The following CASP9 variants were observed in gnomAD, a reference collection of about 807,000 sequenced individuals.
CASP9 encodes caspase-9.
In CASP9, 29 loss-of-function variants were observed where a neutral mutation model predicts 43.5. The observed-to-expected ratio is 0.67, with a 90% CI of 0.50 to 0.91. The LOEUF is 0.91. CASP9 is among the 40% of genes least tolerant of loss of function. The pLI is 0.00. For missense variants in CASP9, 575 were observed against 537.4 expected (o/e 1.07, Z -0.69); for synonymous variants, 206 against 211.9 (o/e 0.97, Z 0.24).
intron 6 of CASP9, among the ~76,000 whole-genome samples, chr1:15,499,578 C>A (rs1709243979): frequency 6.6e-6 from 1 of 152,168 alleles, no homozygotes; most frequent in African/African-American, 2.4e-5. Context: ...AATTCAAATG[C>A]AGTCAAAAGC....
At chr1:15,502,962 C>G (rs4661637) in intron 6 of CASP9, among the ~76,000 whole-genome samples, 95,936 of 151,966 alleles carry the variant, frequency 0.63, 31,993 homozygotes, top group African/African-American at 0.85. Context: ...TGAGGGAACT[C>G]TGCTGGCGAC....
At chr1:15,501,532 C>CA (rs1709328519) in intron 6 of CASP9, among the ~76,000 whole-genome samples, 1 of 152,162 alleles carries the variant, frequency 6.6e-6, no homozygotes, top group Non-Finnish European at 1.5e-5. Context: ...GACCCCTCGC[C>CA]AGGCACTAGT....
chr1:15,513,674 C>G (rs1709849669), intron 2 of CASP9, among the ~76,000 whole-genome samples: 1 of 152,124 alleles, frequency 6.6e-6, no homozygotes, highest in South Asian at 2.1e-4. Context: ...AAGCTGCATC[C>G]CCAACACCTA....
chr1:15,524,836 C>A (rs1283346701), upstream of CASP9: 96 of 969,510 alleles, frequency 9.9e-5, no homozygotes, highest in Admixed American at 1.3e-4. Flanking sequence ...GTCATCGCCC[C>A]GCCCTCAGGA....
At chr1:15,507,958 AG>A in intron 2 of CASP9, 51 bp from the exon 3 acceptor site, 1 of 1,581,396 alleles carries the variant, frequency 6.3e-7, no homozygotes, top group Non-Finnish European at 8.7e-7. Context: ...ACAGCAGAGG[AG>A]GGGCAAGGGG....
Position 15,518,130 on chromosome 1 carries a change from G to A in CASP9, c.398C>T (p.Ser133Phe). ...PETPRPVDIG[S>F]GGFGDVGALE... is the part of the protein sequence containing the mutation. ...CTTACCGACATCACCAAATCCTCCA[G>A]AACCAATGTCCACTGGTCTGGGTGT... Residue 133 changes from serine (S) to phenylalanine (F), a missense_variant, in exon 2 of 9, where the codon TCT becomes TTT. Physicochemically the swap from Ser to Phe is radical, Grantham distance 155. Coordinates refer to ENST00000333868, the MANE Select transcript of CASP9 (RefSeq NM_001229.5). 6.2e-7 allele frequency: 1 copy of A among 1,614,148 alleles called. No individual in the cohort carries two copies.
chr1:15,514,566 T>C (rs1709881965), intron 2 of CASP9, among the ~76,000 whole-genome samples: 1 of 152,230 alleles, frequency 6.6e-6, no homozygotes, highest in African/African-American at 2.4e-5. Flanking sequence ...GAACTCACTT[T>C]GTGACTGTTG....
At chr1:15,502,833 G>C (rs1260665715) in intron 6 of CASP9, among the ~76,000 whole-genome samples, 1 of 152,184 alleles carries the variant, frequency 6.6e-6, no homozygotes, top group Non-Finnish European at 1.5e-5. Flanking sequence ...AGGGACCGGA[G>C]GCTCCGAAGG....
chr1:15,520,854 G>A (rs1710162016), intron 1 of CASP9, among the ~76,000 whole-genome samples: 1 of 151,216 alleles, frequency 6.6e-6, no homozygotes, highest in Admixed American at 6.6e-5. Flanking sequence ...TCAGGAGGCT[G>A]AGGCAGAACA....
At chr1:15,524,419 T>G (rs1385321019), upstream of CASP9, 390 of 1,112,908 alleles carry the variant, frequency 3.5e-4, no homozygotes, top group Non-Finnish European at 4.1e-4. Context: ...GACGCACCTC[T>G]GCGCCTCGCC....
At chr1:15,524,715 C>T (rs1217770490), upstream of CASP9, 1 of 1,049,960 alleles carries the variant, frequency 9.5e-7, no homozygotes, top group Admixed American at 6.1e-5. Flanking sequence ...CGCCCTGTCC[C>T]CAGGGTCAAT....
intron 2 of CASP9, among the ~76,000 whole-genome samples, chr1:15,516,957 A>G (rs1709973373): frequency 6.6e-6 from 1 of 152,238 alleles, no homozygotes; most frequent in Non-Finnish European, 1.5e-5. Context: ...TCTAACAGCA[A>G]AGCACCTGCC....
In CASP9 at chr1:15,506,329, A is replaced by G. The variant is rs371054807; in HGVS notation, c.631-250T>C. Among the ~76,000 whole-genome samples, 417 of 151,926 alleles carry G rather than the reference A, an allele frequency of 2.7e-3. 3 individuals are homozygous for G. Among genetic ancestry groups the G allele is most frequent in the African/African-American group, 9.3e-3 (385 of 41,414 alleles). On this transcript the variant is annotated intron_variant, in intron 4 of 8. Coordinates refer to ENST00000333868, the MANE Select transcript of CASP9 (RefSeq NM_001229.5). ...AATTTAGCCAGGCATGGTGGCACAC[A>G]CCTGTAATCCCAGCTACTCAGGAGG...
chr1:15,518,986 T>C (rs1031131847), intron 1 of CASP9, among the ~76,000 whole-genome samples: 1 of 151,268 alleles, frequency 6.6e-6, no homozygotes, highest in African/African-American at 2.4e-5. Flanking sequence ...GCGATTATCC[T>C]GCCTCAGCCT....
intron 2 of CASP9, among the ~76,000 whole-genome samples, chr1:15,516,227 G>A (rs1709942613): frequency 1.3e-5 from 2 of 149,930 alleles, no homozygotes; most frequent in Admixed American, 6.7e-5. Flanking sequence ...AAATGGCCAG[G>A]GATAACATGC....
At chr1:15,515,345 AG>A (rs533511703) in intron 2 of CASP9, among the ~76,000 whole-genome samples, 385 of 152,330 alleles carry the variant, frequency 2.5e-3, no homozygotes, top group Non-Finnish European at 4.1e-3. Context: ...TCTCTGCTTT[AG>A]TGGATTGCCC....
In CASP9 at chr1:15,518,182, G is replaced by A. The variant is rs754102522; in HGVS notation, c.346C>T (p.Arg116Cys). ...TCCGGTCTGAGAACCTCTGGTTTGC[G>A]AATCTCTGGTCTGAGCACCACTGGG... ...LTPVVLRPEIRKPEVLRPETP... is the reference protein window; with the variant it reads ...LTPVVLRPEICKPEVLRPETP... The change falls in exon 2 of 9, where the codon CGC becomes TGC. Residue 116 changes from arginine (R) to cysteine (C), a missense_variant. By Grantham distance (180) the Arg-to-Cys change is radical. Coordinates refer to ENST00000333868, the MANE Select transcript of CASP9 (RefSeq NM_001229.5). 1.8e-5 allele frequency: 29 copies of A among 1,614,048 alleles called. No individual in the cohort carries two copies. The highest frequency in any genetic ancestry group is 1.6e-4 in the Middle Eastern group (1 of 6,084).
chr1:15,518,372 C>A lies in CASP9; in HGVS notation c.156G>T (p.Arg52=). Residue 52 remains arginine, a synonymous_variant, in exon 2 of 9, where the codon CGG becomes CGT. Transcript: ENST00000333868. ...DIQRAGSGSR[R]DQARQLIIDL... ...CTATGATCAGCTGCCTGGCCTGATC[C>A]CGCCGAGATCCAGAGCCTGCCCGCT... 6.2e-7 allele frequency: 1 copy of A among 1,612,616 alleles called. No individual in the cohort carries two copies. The highest frequency in any genetic ancestry group is 8.5e-7 in the Non-Finnish European group (1 of 1,178,990).
At chr1:15,509,142 A>C (rs930347976) in intron 2 of CASP9, among the ~76,000 whole-genome samples, 3 of 152,106 alleles carry the variant, frequency 2.0e-5, no homozygotes, top group Non-Finnish European at 4.4e-5. Flanking sequence ...AACCCATTTC[A>C]CTGGAACCCC....
Sources: gnomAD v4.1 joint callset for allele counts (sites outside exome capture counted in the v4.1 genomes callset) on GRCh38, gnomAD v4.1.1 for gene constraint, MANE v1.5 for transcripts, NCBI Gene and HGNC (gene_info 2026-07-23, HGNC 2026-07-21) for gene names.